The following VAPB variants were observed in gnomAD, a reference collection of about 807,000 sequenced individuals.
VAPB encodes the protein vesicle-associated membrane protein-associated protein B/C.
In VAPB, 7 loss-of-function variants were observed where a neutral mutation model predicts 25.6. The ratio of observed to expected loss-of-function variants is 0.27; its 90% CI spans 0.16 to 0.51. The LOEUF (loss-of-function observed/expected upper bound fraction) is 0.51, where lower values mean the gene tolerates loss of function less well. Among genes scored for constraint, VAPB ranks in the 20% least tolerant of loss-of-function variants. The probability of loss-of-function intolerance (pLI) is 0.97; values close to 1 mark genes in which losing one functional copy is unlikely to be tolerated. For synonymous variants in VAPB, 112 were observed against 109.2 expected, an observed-to-expected ratio of 1.03 and a Z score of -0.16; for missense variants, 266 against 301.3, an observed-to-expected ratio of 0.88 and a Z score of 0.87.
rs370241474 is a variant in VAPB, at chr20:58,446,068, A to G, written c.*1833A>G. 6.6e-6 allele frequency: 3 copies of G among 453,946 alleles called. No individual in the cohort carries two copies. Among genetic ancestry groups the G allele is most frequent in the Non-Finnish European group, 1.3e-5 (3 of 226,792 alleles). The allele number at this position is 453,946 out of a possible 1,614,324, so 28.1% of individuals were successfully genotyped here. A position where few individuals can be genotyped will look rare whatever the true frequency, so the allele number is the denominator to read the frequency against. ...TCTGAGTAAGTAACTTCCTGTCTTC[A>G]TGAAAAAAGTTGACTTTGAATCCCA... On this transcript the variant is annotated 3_prime_UTR_variant, in exon 6 of 6. Coordinates refer to ENST00000475243, the MANE Select transcript of VAPB (RefSeq NM_004738.5).
Position 58,444,369 on chromosome 20 carries a change from C to A in VAPB, c.*134C>A. 1.6e-6 allele frequency: 2 copies of A among 1,230,702 alleles called. No individual in the cohort carries two copies. The highest frequency in any genetic ancestry group is 2.3e-5 in the East Asian group (1 of 42,956). The allele number at this position is 1,230,702 out of a possible 1,614,324, so 76.2% of individuals were successfully genotyped here. On this transcript the variant is annotated 3_prime_UTR_variant, in exon 6 of 6. Coordinates refer to ENST00000475243, the MANE Select transcript of VAPB (RefSeq NM_004738.5). ...CAGGTCTTGCCTTTAAATTACCCCT[C>A]CCTGCACACACATACACAGATACAC...
chr20:58,414,153 G>A (rs1486370196), intron 1 of VAPB, among the ~76,000 whole-genome samples: 2 of 130,710 alleles, frequency 1.5e-5, no homozygotes, highest in African/African-American at 2.9e-5. Context: ...CCTCCCGGAC[G>A]GGGCGGCTGG....
chr20:58,443,013 A>G (rs1194943828), intron 5 of VAPB, among the ~76,000 whole-genome samples: 1 of 152,244 alleles, frequency 6.6e-6, no homozygotes, highest in Non-Finnish European at 1.5e-5. Context: ...GTCCCTCTTC[A>G]GGGATGTGGG....
In VAPB at chr20:58,446,062, G is replaced by A. The variant is rs1568723345; in HGVS notation, c.*1827G>A. On this transcript the variant is annotated 3_prime_UTR_variant, in exon 6 of 6. Transcript: ENST00000475243. ...GGTTGGTCTGAGTAAGTAACTTCCT[G>A]TCTTCATGAAAAAAGTTGACTTTGA... The A allele has an allele frequency of 2.2e-6, 1 of 454,020 alleles. No homozygotes were observed. The allele number at this position is 454,020 out of a possible 1,614,324, so 28.1% of individuals were successfully genotyped here.
At chr20:58,443,595 T>C (rs1989210221) in intron 5 of VAPB, among the ~76,000 whole-genome samples, 1 of 151,938 alleles carries the variant, frequency 6.6e-6, no homozygotes. Flanking sequence ...GTTGACTTTG[T>C]AGATTCTTTT....
At chr20:58,411,124 G>A (rs1988368691) in intron 1 of VAPB, among the ~76,000 whole-genome samples, 1 of 152,192 alleles carries the variant, frequency 6.6e-6, no homozygotes, top group Non-Finnish European at 1.5e-5. Context: ...CAAAGTGTCT[G>A]TGCACCGTTT....
At chr20:58,404,068 A>T (rs2268922) in intron 1 of VAPB, among the ~76,000 whole-genome samples, 97,573 of 152,008 alleles carry the variant, frequency 0.64, 31,621 homozygotes, top group African/African-American at 0.71. Context: ...TAGCACCGTG[A>T]CTCAACTTTC....
chr20:58,432,848 T>C (rs1373477835), intron 2 of VAPB, among the ~76,000 whole-genome samples: 2 of 152,226 alleles, frequency 1.3e-5, no homozygotes, highest in Admixed American at 6.5e-5. Flanking sequence ...AGGTCAGCTC[T>C]TGCCAGCTCA....
At chr20:58,393,746 T>TTTTG (rs1568696008) in intron 1 of VAPB, among the ~76,000 whole-genome samples, 294 of 136,858 alleles carry the variant, frequency 2.1e-3, no homozygotes, top group South Asian at 1.0e-2. Flanking sequence ...GTTTTGTTTT[T>TTTTG]TTTGAGATGG....
intron 2 of VAPB, among the ~76,000 whole-genome samples, chr20:58,423,624 G>A (rs1308683793): frequency 6.6e-6 from 1 of 152,026 alleles, no homozygotes; most frequent in Non-Finnish European, 1.5e-5. Flanking sequence ...CACCTTTCAG[G>A]TGCACTAGGG....
intron 1 of VAPB, among the ~76,000 whole-genome samples, chr20:58,406,897 AT>A (rs1166335602): frequency 3.9e-5 from 6 of 152,140 alleles, no homozygotes; most frequent in African/African-American, 1.4e-4. Context: ...GCAGTAGAAT[AT>A]TGCTTATCTT....
chr20:58,429,160 G>A (rs1988872794), intron 2 of VAPB, among the ~76,000 whole-genome samples: 1 of 147,712 alleles, frequency 6.8e-6, no homozygotes, highest in Non-Finnish European at 1.5e-5. Flanking sequence ...TTTTTCCAAA[G>A]CAGAAAACTT....
chr20:58,411,603 G>A (rs575723420), intron 1 of VAPB, among the ~76,000 whole-genome samples: 1 of 152,162 alleles, frequency 6.6e-6, no homozygotes, highest in African/African-American at 2.4e-5. Context: ...TTTGCTTTCT[G>A]TACGTTTTTG....
At chr20:58,390,251 G>A (rs1987760804) in intron 1 of VAPB, 1 of 152,194 alleles carries the variant, frequency 6.6e-6, no homozygotes, top group African/African-American at 2.4e-5. Context: ...CCACGGTGCT[G>A]GGATCCTTTT....
Position 58,450,415 on chromosome 20 carries a change from T to C in VAPB, c.*6180T>C, listed in dbSNP as rs1407366258. ...TGGGCGTGGCTTTTTATATTTTTCATTCGTGTGTAGCCTAAGTAAGGTGAC... is the reference window on the plus strand; with the variant it reads ...TGGGCGTGGCTTTTTATATTTTTCACTCGTGTGTAGCCTAAGTAAGGTGAC... On this transcript the variant is annotated 3_prime_UTR_variant, in exon 6 of 6. Coordinates refer to ENST00000475243, the MANE Select transcript of VAPB (RefSeq NM_004738.5). 2.2e-6 allele frequency: 1 copy of C among 454,114 alleles called. No individual in the cohort carries two copies. Among genetic ancestry groups the C allele is most frequent in the Admixed American group, 2.3e-5 (1 of 42,578 alleles). 28.1% of individuals were successfully genotyped at this position (454,114 alleles called of 1,614,324 possible). A position where few individuals can be genotyped will look rare whatever the true frequency, so the allele number is the denominator to read the frequency against.
In VAPB at chr20:58,446,644, G is replaced by A; in HGVS notation, c.*2409G>A. On this transcript the variant is annotated 3_prime_UTR_variant, in exon 6 of 6. Transcript: ENST00000475243. ...CTTCTCAGAGGATGTGGACATTTTG[G>A]TTGCAGCTAAAAATCAGTCTCTGAA... is the stretch of plus-strand genomic sequence containing the variant. The A allele has an allele frequency of 2.2e-6, 1 of 454,062 alleles. No individual in the cohort carries two copies. The highest frequency in any genetic ancestry group is 4.4e-6 in the Non-Finnish European group (1 of 226,780). 28.1% of individuals were successfully genotyped at this position (454,062 alleles called of 1,614,324 possible). A position where few individuals can be genotyped will look rare whatever the true frequency, so the allele number is the denominator to read the frequency against.
Position 58,389,459 on chromosome 20 carries a change from C to A in VAPB, c.-1C>A. On this transcript the variant is annotated 5_prime_UTR_variant, in exon 1 of 6. Coordinates refer to ENST00000475243, the MANE Select transcript of VAPB (RefSeq NM_004738.5). ...CCAAAGGTGCTCCGCCGCTAAGGAA[C>A]ATGGCGAAGGTGGAGCAGGTCCTGA... 2 of 1,595,472 alleles carry A rather than the reference C, an allele frequency of 1.3e-6. No individual in the cohort carries two copies. Among genetic ancestry groups the A allele is most frequent in the Non-Finnish European group, 1.7e-6 (2 of 1,171,652 alleles).
intron 1 of VAPB, among the ~76,000 whole-genome samples, chr20:58,414,873 C>A (rs184738836): frequency 6.6e-6 from 1 of 152,126 alleles, no homozygotes; most frequent in Non-Finnish European, 1.5e-5. Flanking sequence ...CCAAGGCAGG[C>A]GGCTGGGAGG....
chr20:58,424,428 A>G (rs889502165), intron 2 of VAPB, among the ~76,000 whole-genome samples: 1 of 151,950 alleles, frequency 6.6e-6, no homozygotes, highest in Non-Finnish European at 1.5e-5. Context: ...ATTCAGAAAT[A>G]ACAGTGGGGA....
Sources: gnomAD v4.1 joint callset for allele counts (sites outside exome capture counted in the v4.1 genomes callset) on GRCh38, gnomAD v4.1.1 for gene constraint, MANE v1.5 for transcripts, NCBI Gene and HGNC (gene_info 2026-07-23, HGNC 2026-07-21) for gene names.